Variants in SIPA1L1 observed in about 807,000 individuals in gnomAD.
SIPA1L1 encodes signal-induced proliferation-associated 1-like protein 1.
SIPA1L1 carries 26 observed loss-of-function variants against 162.7 expected under a neutral mutation model. The ratio of observed to expected loss-of-function variants is 0.16; its 90% confidence interval spans 0.12 to 0.22. The LOEUF is 0.22. SIPA1L1 is among the 10% of genes least tolerant of loss of function. SIPA1L1 has a pLI of 1.00. For synonymous variants in SIPA1L1, 829 were observed against 837.4 expected, an observed-to-expected ratio of 0.99 and a Z score of 0.17; for missense variants, 1,874 against 2,241.0, an observed-to-expected ratio of 0.84 and a Z score of 3.31.
At chr14:71,684,163 C>T (rs962029071) in intron 12 of SIPA1L1, among the ~76,000 whole-genome samples, 1 of 152,186 alleles carries the variant, frequency 6.6e-6, no homozygotes, top group Non-Finnish European at 1.5e-5. Context: ...GTAAGGATGG[C>T]AGCAGACGCC....
At chr14:71,689,860 A>G (rs1051439591) in intron 13 of SIPA1L1, among the ~76,000 whole-genome samples, 1 of 152,138 alleles carries the variant, frequency 6.6e-6, no homozygotes, top group African/African-American at 2.4e-5. Context: ...TTCCTTACAG[A>G]CACCAGCACC....
chr14:71,455,193 C>T (rs1000164336), intron 2 of SIPA1L1, among the ~76,000 whole-genome samples: 3 of 152,198 alleles, frequency 2.0e-5, no homozygotes, highest in Admixed American at 1.3e-4. Context: ...AGTTGGTTTA[C>T]AGGTTAGAGG....
At chr14:71,703,283 A>G (rs2082216880) in intron 15 of SIPA1L1, among the ~76,000 whole-genome samples, 1 of 152,232 alleles carries the variant, frequency 6.6e-6, no homozygotes, top group South Asian at 2.1e-4. Context: ...TGTAGGATAA[A>G]AAGGTGTACA....
chr14:71,556,174 A>G (rs11628525), intron 4 of SIPA1L1, among the ~76,000 whole-genome samples: 53,641 of 152,106 alleles, frequency 0.35, 11,839 homozygotes, highest in Non-Finnish European at 0.48. Context: ...TATTGTATTT[A>G]TTGAACAGAA....
chr14:71,590,040 AAAAAATAT>A (rs1464191884), intron 5 of SIPA1L1, among the ~76,000 whole-genome samples: 28 of 64,642 alleles, frequency 4.3e-4, no homozygotes, highest in Admixed American at 1.2e-3. Context: ...AAAAAAAAAA[AAAAAATAT>A]ATATATATAT....
At chr14:71,384,224 G>A (rs1478711958) in intron 2 of SIPA1L1, among the ~76,000 whole-genome samples, 1 of 152,176 alleles carries the variant, frequency 6.6e-6, no homozygotes, top group East Asian at 1.9e-4. Flanking sequence ...CAGATGTCAT[G>A]CTGACTTTTT....
intron 7 of SIPA1L1, among the ~76,000 whole-genome samples, chr14:71,642,853 A>G (rs764149717): frequency 1.1e-4 from 16 of 152,180 alleles, no homozygotes; most frequent in Non-Finnish European, 1.9e-4. Flanking sequence ...ATTTATGGAT[A>G]TGAAAGCTAC....
At chr14:71,521,489 AAGGT>A (rs1225973357) in intron 3 of SIPA1L1, among the ~76,000 whole-genome samples, 5 of 152,182 alleles carry the variant, frequency 3.3e-5, no homozygotes, top group African/African-American at 1.2e-4. Flanking sequence ...CTGTGGAATG[AAGGT>A]CTTATGACCT....
At chr14:71,456,237 A>T (rs534144256) in intron 2 of SIPA1L1, among the ~76,000 whole-genome samples, 1 of 152,364 alleles carries the variant, frequency 6.6e-6, no homozygotes, top group African/African-American at 2.4e-5. Flanking sequence ...CCACGGTAAA[A>T]AAGCAAAGAG....
At chr14:71,704,689 T>G (rs368051042) in intron 15 of SIPA1L1, 1 of 1,544,808 alleles carries the variant, frequency 6.5e-7, no homozygotes, top group South Asian at 1.1e-5. Flanking sequence ...TTAAGTAAAC[T>G]AGTTGCTGTG....
intron 4 of SIPA1L1, among the ~76,000 whole-genome samples, chr14:71,552,456 A>G (rs2055935682): frequency 6.6e-6 from 1 of 151,642 alleles, no homozygotes. Context: ...CAGTGGCACA[A>G]TCTCGGCTCA....
chr14:71,359,028 A>G (rs746667503), intron 2 of SIPA1L1, among the ~76,000 whole-genome samples: 28 of 152,120 alleles, frequency 1.8e-4, no homozygotes, highest in Non-Finnish European at 7.4e-5. Context: ...AAACCATATC[A>G]AGCATGTATC....
chr14:71,493,435 G>T (rs1038138926), intron 2 of SIPA1L1, among the ~76,000 whole-genome samples: 2 of 152,116 alleles, frequency 1.3e-5, no homozygotes, highest in African/African-American at 2.4e-5. Flanking sequence ...GGGAGGTCTT[G>T]TTTTACTGCT....
In SIPA1L1 at chr14:71,559,943, A is replaced by C. The variant is rs149343523; in HGVS notation, c.-302-27628A>C. On this transcript the variant is annotated intron_variant, in intron 4 of 23. Coordinates refer to ENST00000381232, the MANE Select transcript of SIPA1L1 (RefSeq NM_001386936.1). ...TAGGCTGGGGGAGTGAGACTTTTTC[A>C]TTAACACACTAAATTTATGCTCCAT... Among the ~76,000 whole-genome samples, 1,323 of 152,132 alleles carry C rather than the reference A, an allele frequency of 8.7e-3. 23 individuals carry two copies. The highest frequency in any genetic ancestry group is 0.03 in the African/African-American group (1,261 of 41,484).
chr14:71,716,197 ACT>A (rs1442075632), intron 17 of SIPA1L1, among the ~76,000 whole-genome samples: 1 of 152,052 alleles, frequency 6.6e-6, no homozygotes, highest in African/African-American at 2.4e-5. Flanking sequence ...TCCGTACGGT[ACT>A]CTATTGGATA....
At chr14:71,610,676 G>T (rs551719987) in intron 5 of SIPA1L1, among the ~76,000 whole-genome samples, 2 of 152,096 alleles carry the variant, frequency 1.3e-5, no homozygotes, top group Non-Finnish European at 2.9e-5. Context: ...AAGTTGGAAT[G>T]TATGTCCTTT....
At chr14:71,499,923 A>G (rs1179507661) in intron 2 of SIPA1L1, among the ~76,000 whole-genome samples, 1 of 152,228 alleles carries the variant, frequency 6.6e-6, no homozygotes, top group East Asian at 1.9e-4. Flanking sequence ...TTCAGTTCCT[A>G]ACCATTTTTC....
intron 2 of SIPA1L1, among the ~76,000 whole-genome samples, chr14:71,348,774 T>C (rs897879622): frequency 6.6e-6 from 1 of 152,242 alleles, no homozygotes; most frequent in Admixed American, 6.5e-5. Context: ...GTATCTTTTA[T>C]GGTAGGAAAG....
intron 5 of SIPA1L1, among the ~76,000 whole-genome samples, chr14:71,614,045 G>T (rs1446023012): frequency 6.6e-6 from 1 of 151,940 alleles, no homozygotes; most frequent in African/African-American, 2.4e-5. Flanking sequence ...AAAAAAAATA[G>T]AAAAATTAGC....
Sources: allele counts gnomAD v4.1 joint callset (sites outside exome capture counted in the v4.1 genomes callset), GRCh38; gene constraint gnomAD v4.1.1; transcripts MANE v1.5; gene names NCBI Gene and HGNC (gene_info 2026-07-23, HGNC 2026-07-21).